Variants in LIPJ observed in about 807,000 individuals in gnomAD.
LIPJ encodes lipase member J.
Under a neutral mutation model 39.8 loss-of-function variants are expected in LIPJ, and 33 were observed. The ratio of observed to expected loss-of-function variants is 0.83; its 90% CI spans 0.63 to 1.11. The LOEUF is 1.11. Ranked by LOEUF, LIPJ falls within the 50% of genes least tolerant of loss-of-function variation. LIPJ has a pLI of 0.00. For missense variants in LIPJ, 422 were observed against 427.9 expected, an observed-to-expected ratio of 0.99 and a Z score of 0.12; for synonymous variants, 128 against 139.2, an observed-to-expected ratio of 0.92 and a Z score of 0.57.
chr10:88,602,610 C>A (rs1315108916), exon 9 of LIPJ: 1 of 1,589,402 alleles, frequency 6.3e-7, no homozygotes, highest in Non-Finnish European at 8.6e-7. Context: ...CACAACCCAG[C>A]AGGAACATCT....
At chr10:88,588,597 A>G (rs188599088) in intron 2 of LIPJ, among the ~76,000 whole-genome samples, 299 of 151,922 alleles carry the variant, frequency 2.0e-3, no homozygotes, top group Middle Eastern at 3.4e-3. Context: ...TCATCCTGCC[A>G]TTTTCTTGTT....
Position 88,602,632 on chromosome 10 carries a change from G to T in LIPJ, c.780G>T (p.Met260Ile). The change falls in exon 9 of 11, where the codon ATG becomes ATT. Residue 260 changes from methionine (M) to isoleucine (I), a missense_variant. By Grantham distance (10) the Met-to-Ile change is conservative. Transcript: ENST00000371939. ...CAGCAGGAACATCTGTTCAAAATATGCTTCATTGGAGTCAGGTATAACTGC... is the reference window on the plus strand; with the variant it reads ...CAGCAGGAACATCTGTTCAAAATATTCTTCATTGGAGTCAGGTATAACTGC... The T allele has an allele frequency of 4.5e-6, 6 of 1,333,476 alleles. No individual in the cohort carries two copies. The highest frequency in any genetic ancestry group is 4.0e-5 in the East Asian group (1 of 24,706). The allele number at this position is 1,333,476 out of a possible 1,614,324, so 82.6% of individuals were successfully genotyped here. A position where few individuals can be genotyped will look rare whatever the true frequency, so the allele number is the denominator to read the frequency against.
intron 8 of LIPJ, among the ~76,000 whole-genome samples, chr10:88,597,923 A>AT (rs901232817): frequency 1.3e-5 from 2 of 151,594 alleles, no homozygotes; most frequent in African/African-American, 2.4e-5. Flanking sequence ...CCAATTCTAT[A>AT]TTTTTTTGTA....
upstream of LIPJ, chr10:88,582,981 C>T: frequency 7.0e-7 from 1 of 1,418,854 alleles, no homozygotes; most frequent in East Asian, 2.5e-5. Flanking sequence ...ATAGCGTTTT[C>T]GCCTTAGACT....
At chr10:88,587,726 G>T (rs1850955005) in intron 2 of LIPJ, among the ~76,000 whole-genome samples, 1 of 151,920 alleles carries the variant, frequency 6.6e-6, no homozygotes, top group South Asian at 2.1e-4. Flanking sequence ...CCAGTGATTT[G>T]CTCCATGGAA....
downstream of LIPJ, among the ~76,000 whole-genome samples, chr10:88,611,802 C>A (rs1280636967): frequency 6.6e-6 from 1 of 152,034 alleles, no homozygotes; most frequent in East Asian, 1.9e-4. Flanking sequence ...AATTGGTGTC[C>A]CTGAGGAAGA....
Position 88,596,492 on chromosome 10 carries a change from T to G in LIPJ, c.576+76T>G. On this transcript the variant is annotated intron_variant, in intron 7 of 10. Transcript: ENST00000371939. ...ATGCTTTCAAATAAGAGATCTTGAC[T>G]ATACGTAGACAACCACAAGTATGGA... The G allele has an allele frequency of 3.6e-6, 5 of 1,382,714 alleles. No individual in the cohort carries two copies. The South Asian group carries it at 8.7e-5, about 24-fold the overall frequency. 85.7% of individuals were successfully genotyped at this position (1,382,714 alleles called of 1,614,324 possible).
rs1262564683 is a variant in LIPJ at position 88,605,620 on chromosome 10, G to T, written c.796-13G>T. 1 of 1,592,182 alleles carries T rather than the reference G, an allele frequency of 6.3e-7. No individual in the cohort carries two copies. Among genetic ancestry groups the T allele is most frequent in the African/African-American group, 1.3e-5 (1 of 74,572 alleles). ...AACAAATGATATGGTCTTATTTTTTGTTTCTCTTTCAGCTTTTAAATTCTA... is the reference window on the plus strand; with the variant it reads ...AACAAATGATATGGTCTTATTTTTTTTTTCTCTTTCAGCTTTTAAATTCTA... On this transcript the variant is annotated splice_polypyrimidine_tract_variant and intron_variant, in intron 9 of 10. Coordinates refer to ENST00000371939, the Ensembl canonical transcript of LIPJ.
At chr10:88,608,809 GA>G (rs1282126887), downstream of LIPJ, among the ~76,000 whole-genome samples, 3 of 151,662 alleles carry the variant, frequency 2.0e-5, no homozygotes, top group Non-Finnish European at 4.4e-5. Context: ...AAATCAAATG[GA>G]AAAAAAACTC....
At chr10:88,613,800 A>ATATATATATATCTGTGTG in the LIPJ span, among the ~76,000 whole-genome samples, 1 of 74,172 alleles carries the variant, frequency 1.3e-5, no homozygotes, top group African/African-American at 4.8e-5. Flanking sequence ...ATATATATAT[A>ATATATATATATCTGTGTG]TGTGTGTGTG....
chr10:88,595,669 C>A (rs1320876354), intron 6 of LIPJ, among the ~76,000 whole-genome samples: 1 of 151,418 alleles, frequency 6.6e-6, no homozygotes, highest in Non-Finnish European at 1.5e-5. Flanking sequence ...ATATATAATT[C>A]TTTGGCTGTT....
chr10:88,592,606 C>A (rs543371866), intron 4 of LIPJ: 1 of 151,978 alleles, frequency 6.6e-6, no homozygotes, highest in East Asian at 1.9e-4. Flanking sequence ...GAGGTGGTCC[C>A]ACCCTGAGAT....
At chr10:88,601,865 C>T (rs533459396) in intron 8 of LIPJ, among the ~76,000 whole-genome samples, 448 of 152,262 alleles carry the variant, frequency 2.9e-3, no homozygotes, top group Non-Finnish European at 5.2e-3. Flanking sequence ...AATAGTAAGA[C>T]AGGCCTTTTC....
chr10:88,590,556 C>G, intron 2 of LIPJ, 29 bp from the exon 3 acceptor site: 1 of 666,212 alleles, frequency 1.5e-6, no homozygotes, highest in South Asian at 1.6e-5. Context: ...GCAATTTTAA[C>G]TGTATAAACA....
chr10:88,597,048 A>G (rs1851282102), intron 8 of LIPJ, 112 bp downstream of exon 8: 3 of 593,520 alleles, frequency 5.1e-6, no homozygotes, highest in South Asian at 2.7e-5. Flanking sequence ...CACATACACT[A>G]GTAGTCAGAT....
the LIPJ span, among the ~76,000 whole-genome samples, chr10:88,613,828 A>ATGTG: frequency 6.5e-4 from 76 of 117,762 alleles, 2 homozygotes; most frequent in East Asian, 2.8e-3. Flanking sequence ...ATATATATAT[A>ATGTG]TGTGTGTATA....
At chr10:88,608,845 C>A (rs996577930), downstream of LIPJ, among the ~76,000 whole-genome samples, 1 of 152,166 alleles carries the variant, frequency 6.6e-6, no homozygotes, top group Admixed American at 6.5e-5. Context: ...AAGAAAATAA[C>A]TTTGTAACTC....
upstream of LIPJ, chr10:88,583,517 A>G (rs1850786746): frequency 8.4e-7 from 1 of 1,184,542 alleles, no homozygotes; most frequent in Non-Finnish European, 1.1e-6. Flanking sequence ...CCCGCCTCGC[A>G]ACAGAGCTGA....
intron 9 of LIPJ, among the ~76,000 whole-genome samples, chr10:88,604,356 G>C (rs139960676): frequency 7.2e-5 from 11 of 152,298 alleles, no homozygotes; most frequent in African/African-American, 1.7e-4. Context: ...GAGCAGGAAA[G>C]TGATATGATA....
Sources: allele counts gnomAD v4.1 joint callset (sites outside exome capture counted in the v4.1 genomes callset), GRCh38; gene constraint gnomAD v4.1.1; transcripts MANE v1.5; gene names NCBI Gene and HGNC (gene_info 2026-07-23, HGNC 2026-07-21).